Variants in PLEKHA3 observed in about 807,000 individuals in gnomAD.
PLEKHA3 encodes pleckstrin homology domain containing A3, also known as pleckstrin homology domain-containing family A member 3.
Under a neutral mutation model 39.2 loss-of-function variants are expected in PLEKHA3, and 19 were observed. That is an observed-to-expected ratio of 0.48 (90% CI 0.34 to 0.71). The LOEUF is 0.71. Among genes scored for constraint, PLEKHA3 ranks in the 30% least tolerant of loss-of-function variants. The probability of loss-of-function intolerance (pLI) is 0.01; values close to 1 mark genes in which losing one functional copy is unlikely to be tolerated. For missense variants in PLEKHA3, 253 were observed against 359.5 expected (o/e 0.70, Z 2.40); for synonymous variants, 97 against 118.6 (o/e 0.82, Z 1.18).
At chr2:178,483,901 A>G (rs1452961362) in intron 1 of PLEKHA3, among the ~76,000 whole-genome samples, 2 of 152,192 alleles carry the variant, frequency 1.3e-5, no homozygotes, top group Admixed American at 6.5e-5. Flanking sequence ...CAACATGATG[A>G]GACTTCGTCT....
Position 178,510,370 on chromosome 2 carries a change from GAGATA to G in PLEKHA3, c.*6490_*6494del, listed in dbSNP as rs1165423558. 3 of 153,682 alleles carry G rather than the reference GAGATA, an allele frequency of 2.0e-5. No individual in the cohort carries two copies. Among genetic ancestry groups the G allele is most frequent in the African/African-American group, 4.8e-5 (2 of 41,408 alleles). The allele number at this position is 153,682 out of a possible 1,614,324, so 9.5% of individuals were successfully genotyped here. A position where few individuals can be genotyped will look rare whatever the true frequency, so the allele number is the denominator to read the frequency against. On this transcript the variant is annotated 3_prime_UTR_variant, in exon 8 of 8. Transcript: ENST00000234453. ...TTTATCATATAAATATGAAGTATAG[GAGATA>G]AGATAATGCAGATGATGTTTGTTAT...
intron 5 of PLEKHA3, among the ~76,000 whole-genome samples, chr2:178,496,887 G>A (rs1685458278): frequency 6.6e-6 from 1 of 151,876 alleles, no homozygotes; most frequent in East Asian, 1.9e-4. Context: ...ATTATTTGTA[G>A]AGATGGGGGG....
At chr2:178,486,976 A>G (rs1685260235) in intron 2 of PLEKHA3, among the ~76,000 whole-genome samples, 1 of 152,262 alleles carries the variant, frequency 6.6e-6, no homozygotes, top group African/African-American at 2.4e-5. Flanking sequence ...TTGAAATGGT[A>G]TGGCAAACTT....
At position 178,512,537 on chromosome 2, in the gene PLEKHA3, C is replaced by G. The variant is rs147048060; in HGVS notation, c.*8650C>G. 45 of 152,430 alleles carry G rather than the reference C, an allele frequency of 3.0e-4. 1 individual carries two copies. The highest frequency in any genetic ancestry group is 1.1e-3 in the African/African-American group (44 of 41,518). 9.4% of individuals were successfully genotyped at this position (152,430 alleles called of 1,614,324 possible). On this transcript the variant is annotated 3_prime_UTR_variant, in exon 8 of 8. Transcript: ENST00000234453. ...TTAAATCTCAATATAAAGTATATTG[C>G]CAGATCTGGCAGCATGGGGACAATT...
At position 178,503,788 on chromosome 2, in the gene PLEKHA3, T is replaced by G; in HGVS notation, c.804T>G (p.Leu268=). The part of the protein sequence containing the change: ...DRPVHCSKNT[L]NGDLASATIP... ...CTGTTCACTGTTCAAAAAATACACT[T>G]AATGGAGATTTGGCATCAGCAACCA... The change falls in exon 8 of 8, where the codon CTT becomes CTG. Residue 268 remains leucine, a synonymous_variant. Transcript: ENST00000234453. 6.2e-7 allele frequency: 1 copy of G among 1,611,786 alleles called. No homozygotes were observed. The highest frequency in any genetic ancestry group is 1.1e-5 in the South Asian group (1 of 91,034).
rs540023379 is a variant in PLEKHA3, at chr2:178,491,475, G to T, written c.313+661G>T. ...GGCTTAGGAAAGGTATGTAAGAATT[G>T]GTCAGATTGTTACCTTTGGAAGTGG... On this transcript the variant is annotated intron_variant, in intron 3 of 7. Coordinates refer to ENST00000234453, the MANE Select transcript of PLEKHA3 (RefSeq NM_019091.4). 4.6e-5 allele frequency among the ~76,000 whole-genome samples: 7 copies of T among 152,298 alleles called. No individual in the cohort carries two copies. In the South Asian group the frequency reaches 1.5e-3, roughly 32 times the overall value.
rs1685594558 is a variant in PLEKHA3 at position 178,505,807 on chromosome 2, C to G, written c.*1920C>G. ...TTTTAAAAATACAATGCAATTATTT[C>G]TGGTTTGTATCATTTTTTCCCCCTT... On this transcript the variant is annotated 3_prime_UTR_variant, in exon 8 of 8. Coordinates refer to ENST00000234453, the MANE Select transcript of PLEKHA3 (RefSeq NM_019091.4). 6.6e-6 allele frequency: 1 copy of G among 151,956 alleles called. No homozygotes were observed. Among genetic ancestry groups the G allele is most frequent in the Non-Finnish European group, 1.5e-5 (1 of 67,924 alleles). The allele number at this position is 151,956 out of a possible 1,614,324, so 9.4% of individuals were successfully genotyped here. A position where few individuals can be genotyped will look rare whatever the true frequency, so the allele number is the denominator to read the frequency against.
At chr2:178,499,102 T>C (rs940126020) in intron 5 of PLEKHA3, 109 bp from the exon 6 acceptor site, 4 of 1,097,280 alleles carry the variant, frequency 3.6e-6, no homozygotes, top group Non-Finnish European at 3.8e-6. Flanking sequence ...CAGTTATCTT[T>C]TTCTCTGAGT....
Position 178,507,715 on chromosome 2 carries a change from A to G in PLEKHA3, c.*3828A>G, listed in dbSNP as rs888494333. ...TTTTTGGCAAAGCTCCTCCACCAGT[A>G]ACTTCCTAAGAAAAGGTGCATAGAA... On this transcript the variant is annotated 3_prime_UTR_variant, in exon 8 of 8. Coordinates refer to ENST00000234453, the MANE Select transcript of PLEKHA3 (RefSeq NM_019091.4). 10 of 125,118 alleles carry G rather than the reference A, an allele frequency of 8.0e-5. No homozygotes were observed. Among genetic ancestry groups the G allele is most frequent in the Non-Finnish European group, 1.6e-4 (10 of 63,048 alleles). The allele number at this position is 125,118 out of a possible 1,614,324, so 7.8% of individuals were successfully genotyped here.
chr2:178,499,380 A>AT (rs777580725), intron 6 of PLEKHA3, 126 bp downstream of exon 6: 26 of 799,598 alleles, frequency 3.3e-5, no homozygotes, highest in Non-Finnish European at 5.0e-5. Context: ...CAAAACCAGC[A>AT]TTTTATCTCT....
At chr2:178,487,681 C>T (rs879823993) in intron 2 of PLEKHA3, among the ~76,000 whole-genome samples, 13 of 152,152 alleles carry the variant, frequency 8.5e-5, no homozygotes, top group Admixed American at 7.9e-4. Context: ...TGAGCTTAAG[C>T]AATCTGCCCG....
At chr2:178,499,182 ATT>A (rs371719002) in intron 5 of PLEKHA3, 27 bp from the exon 6 acceptor site, 762 of 1,327,444 alleles carry the variant, frequency 5.7e-4, no homozygotes, top group South Asian at 1.2e-3. Flanking sequence ...GATTATGCTA[ATT>A]TTTTTTTTTT....
intron 5 of PLEKHA3, among the ~76,000 whole-genome samples, chr2:178,497,568 G>A (rs1685468192): frequency 6.6e-6 from 1 of 152,150 alleles, no homozygotes; most frequent in Non-Finnish European, 1.5e-5. Flanking sequence ...ACAGGACTGT[G>A]GTGTGGTGTT....
intron 4 of PLEKHA3, among the ~76,000 whole-genome samples, 170 bp from the exon 5 acceptor site, chr2:178,495,319 GTTTTCTT>G (rs1261407938): frequency 6.6e-6 from 1 of 151,872 alleles, no homozygotes; most frequent in South Asian, 2.1e-4. Context: ...ATGTTTTAAT[GTTTTCTT>G]TTTTCTTTTT....
At chr2:178,495,178 G>A (rs1685421575) in intron 4 of PLEKHA3, among the ~76,000 whole-genome samples, 1 of 152,050 alleles carries the variant, frequency 6.6e-6, no homozygotes, top group Non-Finnish European at 1.5e-5. Flanking sequence ...GAAAATTACT[G>A]TTTAGGTTAG....
At position 178,516,012 on chromosome 2, in the gene PLEKHA3, T is replaced by C. The variant is rs1685758160; in HGVS notation, c.*12125T>C. 6.6e-6 allele frequency: 1 copy of C among 151,620 alleles called. No individual in the cohort carries two copies. 9.4% of individuals were successfully genotyped at this position (151,620 alleles called of 1,614,324 possible). A position where few individuals can be genotyped will look rare whatever the true frequency, so the allele number is the denominator to read the frequency against. ...TTTTTTGGCCTTTTAAATGTCTTTATTGTAGCTAGTTATAAGATGTATATA... is the reference window on the plus strand; with the variant it reads ...TTTTTTGGCCTTTTAAATGTCTTTACTGTAGCTAGTTATAAGATGTATATA... On this transcript the variant is annotated 3_prime_UTR_variant, in exon 8 of 8. Transcript: ENST00000234453.
Position 178,490,750 on chromosome 2 carries a change from G to A in PLEKHA3, c.249G>A (p.Arg83=). ...MKAVNAAERQ[R]WLVALGSSKA... ...CAGTGAATGCAGCTGAAAGACAGAGGTGGCTGGTCGCTCTGGGGAGCTCCA... is the reference window on the plus strand; with the variant it reads ...CAGTGAATGCAGCTGAAAGACAGAGATGGCTGGTCGCTCTGGGGAGCTCCA... The change falls in exon 3 of 8, where the codon AGG becomes AGA. Residue 83 remains arginine (R), a synonymous_variant. Coordinates refer to ENST00000234453, the MANE Select transcript of PLEKHA3 (RefSeq NM_019091.4). 6.2e-7 allele frequency: 1 copy of A among 1,614,096 alleles called. No homozygotes were observed. The highest frequency in any genetic ancestry group is 8.5e-7 in the Non-Finnish European group (1 of 1,179,948).
intron 5 of PLEKHA3, among the ~76,000 whole-genome samples, chr2:178,496,663 TAAATG>T (rs1391955840): frequency 1.3e-5 from 2 of 152,190 alleles, no homozygotes; most frequent in African/African-American, 4.8e-5. Flanking sequence ...TAGGTTAACT[TAAATG>T]ATATGAATTG....
intron 1 of PLEKHA3, among the ~76,000 whole-genome samples, chr2:178,482,552 C>CAAA (rs557529546): frequency 0.05 from 4,443 of 89,288 alleles, 112 homozygotes; most frequent in Admixed American, 0.091. Flanking sequence ...GATCCTGTCT[C>CAAA]AAAAAAAAAA....
Sources: gnomAD v4.1 joint callset for allele counts (sites outside exome capture counted in the v4.1 genomes callset) on GRCh38, gnomAD v4.1.1 for gene constraint, MANE v1.5 for transcripts, NCBI Gene and HGNC (gene_info 2026-07-23, HGNC 2026-07-21) for gene names.